Variants in CSPP1 observed in about 807,000 individuals in gnomAD.
CSPP1 encodes centrosome and spindle pole-associated protein 1.
CSPP1 carries 126 observed loss-of-function variants against 164.4 expected under a neutral mutation model. The ratio of observed to expected loss-of-function variants is 0.77; its 90% CI spans 0.66 to 0.89. The LOEUF is 0.89. CSPP1 is among the 40% of genes least tolerant of loss of function. The pLI, the probability that CSPP1 is intolerant of heterozygous loss-of-function variation, is 0.00. For synonymous variants in CSPP1, 472 were observed against 476.7 expected, an observed-to-expected ratio of 0.99 and a Z score of 0.13; for missense variants, 1,395 against 1,449.8, an observed-to-expected ratio of 0.96 and a Z score of 0.61.
rs115154466 is a variant in CSPP1, at chr8:67,113,380, A to G, written c.1188-425A>G. Among the ~76,000 whole-genome samples, 116 of 152,214 alleles carry G rather than the reference A, an allele frequency of 7.6e-4. 1 individual carries two copies. Among genetic ancestry groups the G allele is most frequent in the African/African-American group, 2.7e-3 (113 of 41,558 alleles). On this transcript the variant is annotated intron_variant, in intron 10 of 30. Transcript: ENST00000678616. The stretch of plus-strand genomic sequence containing the variant: ...AAGCCAATATCTACTGTTTGATGTT[A>G]GCTATCTTTAACATCATTTTTAAAA...
At chr8:67,099,037 G>A (rs1326854514) in intron 7 of CSPP1, among the ~76,000 whole-genome samples, 1 of 150,922 alleles carries the variant, frequency 6.6e-6, no homozygotes, top group Non-Finnish European at 1.5e-5. Context: ...TGGTTTCTTT[G>A]GGTATTACGA....
intron 8 of CSPP1, among the ~76,000 whole-genome samples, chr8:67,103,856 A>AT (rs1202276641): frequency 6.6e-6 from 1 of 151,666 alleles, no homozygotes; most frequent in Non-Finnish European, 1.5e-5. Context: ...AAAAAAAAAA[A>AT]AAAAAAATTG....
At chr8:67,115,360 T>C (rs1229555601) in intron 12 of CSPP1, 1 of 152,474 alleles carries the variant, frequency 6.6e-6, no homozygotes, top group Non-Finnish European at 1.5e-5. Flanking sequence ...GAGCCTCAAT[T>C]ACCCATTTAT....
chr8:67,092,485 T>TGGAGG (rs1200215942), intron 5 of CSPP1, among the ~76,000 whole-genome samples: 1 of 152,192 alleles, frequency 6.6e-6, no homozygotes, highest in African/African-American at 2.4e-5. Flanking sequence ...TTGCCCAGGC[T>TGGAGG]GGAGGGCAGT....
At chr8:67,094,948 A>G (rs996914286) in intron 6 of CSPP1, among the ~76,000 whole-genome samples, 2 of 152,158 alleles carry the variant, frequency 1.3e-5, no homozygotes, top group Admixed American at 1.3e-4. Flanking sequence ...TTTTGGAGAT[A>G]TGGCTTCTTT....
intron 18 of CSPP1, among the ~76,000 whole-genome samples, 173 bp from the exon 19 acceptor site, chr8:67,153,851 T>TA (rs1426460057): frequency 7.2e-5 from 11 of 152,216 alleles, no homozygotes; most frequent in Admixed American, 7.2e-4. Flanking sequence ...TTCTTTCTCT[T>TA]ACTACTGTTC....
rs116396156 is a variant in CSPP1 at position 67,137,249 on chromosome 8, A to C, written c.1828-207A>C. ...GCCCACCTTGGCCTCCATAGGCATG[A>C]GCCACGACACCTGACCTAAAGTATT... On this transcript the variant is annotated intron_variant, in intron 16 of 30. Transcript: ENST00000678616. Among the ~76,000 whole-genome samples, 1,884 of 152,124 alleles carry C rather than the reference A, an allele frequency of 0.012. 39 individuals carry two copies. Among genetic ancestry groups the C allele is most frequent in the African/African-American group, 0.043 (1,805 of 41,516 alleles).
At chr8:67,129,727 A>T (rs539212614) in intron 15 of CSPP1, among the ~76,000 whole-genome samples, 1 of 152,360 alleles carries the variant, frequency 6.6e-6, no homozygotes, top group East Asian at 1.9e-4. Flanking sequence ...TGAACCTTAT[A>T]AATGTTATGC....
chr8:67,161,157 T>C (rs1038581212), intron 21 of CSPP1, among the ~76,000 whole-genome samples: 1 of 152,236 alleles, frequency 6.6e-6, no homozygotes, highest in Non-Finnish European at 1.5e-5. Flanking sequence ...CATTTATGTT[T>C]ATCAAAACTA....
intron 28 of CSPP1, among the ~76,000 whole-genome samples, chr8:67,186,320 T>C (rs1834559807): frequency 6.6e-6 from 1 of 151,674 alleles, no homozygotes; most frequent in African/African-American, 2.4e-5. Context: ...TAAATATGTA[T>C]GGAATGTTAT....
intron 3 of CSPP1, among the ~76,000 whole-genome samples, chr8:67,079,146 G>T (rs76814570): frequency 6.6e-6 from 1 of 151,874 alleles, no homozygotes; most frequent in Non-Finnish European, 1.5e-5. Context: ...TACATTCCCC[G>T]AGTGTCCATA....
At chr8:67,159,921 T>TTTC (rs1176409279) in intron 21 of CSPP1, among the ~76,000 whole-genome samples, 6 of 59,650 alleles carry the variant, frequency 1.0e-4, no homozygotes, top group Non-Finnish European at 1.9e-4. Flanking sequence ...TCTTTCTTTC[T>TTTC]TTCCTTTCCT....
intron 23 of CSPP1, 60 bp from the exon 24 acceptor site, chr8:67,164,331 A>G: frequency 1.3e-6 from 1 of 790,656 alleles, no homozygotes; most frequent in South Asian, 1.5e-5. Context: ...TTGTGTTTTA[A>G]TGTTTAGTCT....
chr8:67,079,087 A>G (rs1388800494), intron 3 of CSPP1, among the ~76,000 whole-genome samples: 5 of 152,148 alleles, frequency 3.3e-5, no homozygotes. Context: ...CTGCCTTTTC[A>G]TTAATTGGTG....
rs200161440 is a variant in CSPP1 at position 67,195,405 on chromosome 8, C to T, written c.3493C>T (p.Pro1165Ser). 9.0e-4 allele frequency: 1,458 copies of T among 1,613,936 alleles called. 8 individuals carry two copies. In the Middle Eastern group the frequency reaches 0.016, roughly 18 times the overall value. The change falls in exon 31 of 31, where the codon CCT becomes TCT. Residue 1165 changes from proline to serine, a missense_variant. Transcript: ENST00000678616. ...NTDDESSLVD[P>S]DDIMKHIGDD... ...AGATGATGAGAGTTCACTGGTTGAC[C>T]CTGATGACATCATGAAACACATAGG...
intron 21 of CSPP1, among the ~76,000 whole-genome samples, chr8:67,161,119 A>G (rs1403647280): frequency 3.3e-5 from 5 of 152,154 alleles, no homozygotes; most frequent in African/African-American, 4.8e-5. Context: ...CACCTGGCCT[A>G]ATCTTTTAAA....
At chr8:67,078,695 G>A (rs1808482300) in intron 3 of CSPP1, among the ~76,000 whole-genome samples, 2 of 151,946 alleles carry the variant, frequency 1.3e-5, no homozygotes, top group Admixed American at 6.5e-5. Context: ...TTCGGGCTGG[G>A]CGTGGTGGCT....
At chr8:67,078,303 C>T (rs1044849494) in intron 3 of CSPP1, among the ~76,000 whole-genome samples, 4 of 152,004 alleles carry the variant, frequency 2.6e-5, no homozygotes, top group South Asian at 4.1e-4. Context: ...ATGGCTGGCA[C>T]GTAATTGGTA....
At chr8:67,107,597 A>G (rs1586155913) in intron 9 of CSPP1, among the ~76,000 whole-genome samples, 1 of 152,044 alleles carries the variant, frequency 6.6e-6, no homozygotes, top group Non-Finnish European at 1.5e-5. Context: ...TCCCCCCAAA[A>G]CTATGTTTGT....
Sources: gnomAD v4.1 joint callset for allele counts (sites outside exome capture counted in the v4.1 genomes callset) on GRCh38, gnomAD v4.1.1 for gene constraint, MANE v1.5 for transcripts, NCBI Gene and HGNC (gene_info 2026-07-23, HGNC 2026-07-21) for gene names.